The following ENOX2 variants were observed in gnomAD, a reference collection of about 807,000 sequenced individuals.
The protein encoded by ENOX2 is ecto-NOX disulfide-thiol exchanger 2.
Under a neutral mutation model 45.0 loss-of-function variants are expected in ENOX2, and 36 were observed. That is an observed-to-expected ratio of 0.80 (90% confidence interval 0.61 to 1.06). The LOEUF (loss-of-function observed/expected upper bound fraction) is 1.06, where lower values mean the gene tolerates loss of function less well. Ranked by LOEUF, ENOX2 falls within the 50% of genes least tolerant of loss-of-function variation. The pLI, the probability that ENOX2 is intolerant of heterozygous loss-of-function variation, is 0.00. For synonymous variants in ENOX2, 174 were observed against 152.3 expected, an observed-to-expected ratio of 1.14 and a Z score of -1.05; for missense variants, 423 against 462.5, an observed-to-expected ratio of 0.91 and a Z score of 0.78.
intron 3 of ENOX2, among the ~76,000 whole-genome samples, chrX:130,722,399 C>A (rs2038501572): frequency 8.9e-6 from 1 of 112,039 alleles, no homozygotes; most frequent in Non-Finnish European, 1.9e-5. Flanking sequence ...GCAAGAGGTG[C>A]TAAGCTTAAT....
intron 3 of ENOX2, among the ~76,000 whole-genome samples, chrX:130,770,598 C>A (rs748643235): frequency 2.3e-4 from 26 of 111,526 alleles, no homozygotes; most frequent in Non-Finnish European, 3.4e-4. Flanking sequence ...CAAAGGATAT[C>A]ACAAATGATT....
intron 3 of ENOX2, among the ~76,000 whole-genome samples, chrX:130,713,070 C>T (rs1279427402): frequency 8.9e-6 from 1 of 112,265 alleles, no homozygotes; most frequent in Non-Finnish European, 1.9e-5. Context: ...TGGCTTAAGG[C>T]CACAGATACA....
chrX:130,744,609 T>C (rs981887669), intron 3 of ENOX2, among the ~76,000 whole-genome samples: 17 of 112,272 alleles, frequency 1.5e-4, no homozygotes, highest in African/African-American at 5.5e-4. Flanking sequence ...ATCATTTTGT[T>C]AAAAATATAC....
chrX:130,885,094 A>T (rs1013558816), intron 2 of ENOX2, among the ~76,000 whole-genome samples: 2 of 112,363 alleles, frequency 1.8e-5, no homozygotes, highest in Non-Finnish European at 1.9e-5. Context: ...ACATCTGTAA[A>T]ATTAATCTTG....
At chrX:130,793,862 T>C (rs1189154700) in intron 2 of ENOX2, among the ~76,000 whole-genome samples, 2 of 112,283 alleles carry the variant, frequency 1.8e-5, no homozygotes, top group African/African-American at 3.2e-5. Flanking sequence ...ACATTCCTCA[T>C]TGAAAACAAA....
At chrX:130,786,548 C>T (rs2076971872) in intron 2 of ENOX2, among the ~76,000 whole-genome samples, 1 of 74,559 alleles carries the variant, frequency 1.3e-5, no homozygotes. Context: ...TGCTATCCCT[C>T]CCCCCTCCCC....
intron 2 of ENOX2, among the ~76,000 whole-genome samples, chrX:130,818,399 C>G (rs1198339952): frequency 1.8e-5 from 2 of 111,748 alleles, no homozygotes. Flanking sequence ...GAAAAAACTA[C>G]TTAAAATTTC....
At chrX:130,695,368 G>T (rs756684925) in intron 4 of ENOX2, among the ~76,000 whole-genome samples, 6 of 111,757 alleles carry the variant, frequency 5.4e-5, no homozygotes, top group Non-Finnish European at 1.1e-4. Flanking sequence ...GGCAGGCAAA[G>T]GTAGGAAGTG....
At position 130,737,456 on chromosome X, in the gene ENOX2, G is replaced by GCACACA. The variant is rs112463994; in HGVS notation, c.-38-34208_-38-34203dup. On this transcript the variant is annotated intron_variant, in intron 3 of 14. Transcript: ENST00000394363. ...TTACTTATTGCATGCGCGTGCGCAC[G>GCACACA]CACACACACACACACACACACACAA... 7.5e-5 allele frequency among the ~76,000 whole-genome samples: 8 copies of GCACACA among 107,243 alleles called. No individual in the cohort carries two copies. In the Middle Eastern group the frequency reaches 0.014, roughly 193 times the overall value. 93.1% of individuals were successfully genotyped at this position (107,243 alleles called of 115,157 possible). A position where few individuals can be genotyped will look rare whatever the true frequency, so the allele number is the denominator to read the frequency against.
At chrX:130,754,488 G>T (rs898548089) in intron 3 of ENOX2, among the ~76,000 whole-genome samples, 7 of 111,354 alleles carry the variant, frequency 6.3e-5, no homozygotes, top group African/African-American at 2.3e-4. Flanking sequence ...AATCAACCCA[G>T]GTACCTATCA....
intron 3 of ENOX2, among the ~76,000 whole-genome samples, chrX:130,776,695 T>C (rs767750629): frequency 1.8e-5 from 2 of 111,938 alleles, no homozygotes; most frequent in South Asian, 7.6e-4. Flanking sequence ...AATGAAAGAA[T>C]GGCCTAACAC....
At chrX:130,630,566 T>C (rs986349196) in intron 13 of ENOX2, among the ~76,000 whole-genome samples, 1 of 111,521 alleles carries the variant, frequency 9.0e-6, no homozygotes, top group Admixed American at 9.5e-5. Flanking sequence ...CAAAAATGTA[T>C]AGAAACTCTG....
At chrX:130,845,433 T>C (rs1161178489) in intron 2 of ENOX2, among the ~76,000 whole-genome samples, 1 of 112,725 alleles carries the variant, frequency 8.9e-6, no homozygotes, top group East Asian at 2.8e-4. Context: ...ATTCTTCCTA[T>C]TGTAAACAAA....
intron 10 of ENOX2, among the ~76,000 whole-genome samples, chrX:130,640,604 G>T (rs761572017): frequency 8.9e-6 from 1 of 112,263 alleles, no homozygotes; most frequent in Non-Finnish European, 1.9e-5. Flanking sequence ...CCTTTGCAGG[G>T]ACATGGATGG....
intron 4 of ENOX2, among the ~76,000 whole-genome samples, chrX:130,701,189 C>T (rs771875966): frequency 1.5e-4 from 17 of 111,091 alleles, no homozygotes; most frequent in Admixed American, 1.2e-3. Flanking sequence ...TGGAACACAG[C>T]GCAGATGTGG....
intron 2 of ENOX2, among the ~76,000 whole-genome samples, chrX:130,819,171 T>G (rs766548536): frequency 8.9e-6 from 1 of 111,898 alleles, no homozygotes; most frequent in East Asian, 2.8e-4. Flanking sequence ...AAAACCACAA[T>G]GAGATACCAT....
chrX:130,887,440 C>A (rs1235295463), intron 2 of ENOX2, among the ~76,000 whole-genome samples: 2 of 110,639 alleles, frequency 1.8e-5, no homozygotes, highest in Admixed American at 9.6e-5. Context: ...CAGCTCCAGC[C>A]GAGCAACTGA....
intron 3 of ENOX2, among the ~76,000 whole-genome samples, chrX:130,751,976 A>G (rs1258746684): frequency 9.0e-6 from 1 of 111,596 alleles, no homozygotes; most frequent in Non-Finnish European, 1.9e-5. Context: ...CCCTTACCAG[A>G]TATATGGTTT....
intron 2 of ENOX2, among the ~76,000 whole-genome samples, chrX:130,886,835 A>G (rs945428709): frequency 8.0e-5 from 9 of 112,165 alleles, no homozygotes; most frequent in Non-Finnish European, 1.3e-4. Flanking sequence ...GAGTTAATAA[A>G]CTCTAGAGAA....
Sources: allele counts gnomAD v4.1 joint callset (sites outside exome capture counted in the v4.1 genomes callset), GRCh38; gene constraint gnomAD v4.1.1; transcripts MANE v1.5; gene names NCBI Gene and HGNC (gene_info 2026-07-23, HGNC 2026-07-21).